AGBL1: variants seen among roughly 807,000 people sequenced by gnomAD.
The protein encoded by AGBL1 is cytosolic carboxypeptidase 4.
AGBL1 carries 130 observed loss-of-function variants against 118.9 expected under a neutral mutation model. The observed-to-expected ratio is 1.09, with a 90% CI of 0.95 to 1.26. The LOEUF (loss-of-function observed/expected upper bound fraction) is 1.26, where lower values mean the gene tolerates loss of function less well. Among genes scored for constraint, AGBL1 ranks in the 50% most tolerant of loss-of-function variants. The probability of loss-of-function intolerance (pLI) is 0.00; values close to 1 mark genes in which losing one functional copy is unlikely to be tolerated. For missense variants in AGBL1, 1,584 were observed against 1,298.1 expected (o/e 1.22, Z -3.38); for synonymous variants, 555 against 478.9 (o/e 1.16, Z -2.08).
chr15:86,697,958 A>G (rs1255102033), intron 22 of AGBL1, among the ~76,000 whole-genome samples: 4 of 151,920 alleles, frequency 2.6e-5, no homozygotes, highest in East Asian at 3.9e-4. Flanking sequence ...TGCAACAACA[A>G]TCCACTTCCT....
At chr15:86,596,868 G>A (rs2142363169) in intron 21 of AGBL1, among the ~76,000 whole-genome samples, 1 of 151,700 alleles carries the variant, frequency 6.6e-6, no homozygotes, top group East Asian at 1.9e-4. Context: ...TAAAATTTAT[G>A]TACTATATTT....
intron 22 of AGBL1, among the ~76,000 whole-genome samples, chr15:86,791,728 T>TTTTATA (rs1555450536): frequency 9.8e-5 from 14 of 142,898 alleles, no homozygotes; most frequent in African/African-American, 2.3e-4. Context: ...TCCTTGTTTT[T>TTTTATA]TATATATATA....
At chr15:86,614,006 A>G (rs2084690541) in intron 21 of AGBL1, among the ~76,000 whole-genome samples, 1 of 152,190 alleles carries the variant, frequency 6.6e-6, no homozygotes, top group Non-Finnish European at 1.5e-5. Context: ...TAAGGGAAGA[A>G]ACTTATCCCG....
At chr15:86,923,229 A>T (rs1391224395) in intron 23 of AGBL1, among the ~76,000 whole-genome samples, 1 of 152,226 alleles carries the variant, frequency 6.6e-6, no homozygotes, top group East Asian at 1.9e-4. Context: ...ATGTGGGCTT[A>T]GGGCAGATTA....
chr15:86,994,341 T>C (rs1394721632), intron 24 of AGBL1, among the ~76,000 whole-genome samples: 3 of 152,126 alleles, frequency 2.0e-5, no homozygotes, highest in Non-Finnish European at 4.4e-5. Flanking sequence ...CTGTGATCTC[T>C]CTACGTCCCA....
chr15:86,158,462 T>G (rs2077222559), intron 4 of AGBL1, among the ~76,000 whole-genome samples: 1 of 152,192 alleles, frequency 6.6e-6, no homozygotes, highest in African/African-American at 2.4e-5. Context: ...TGGACTCCTC[T>G]TATTTTCTGA....
At chr15:86,548,659 GCACGCA>G (rs1175288178) in intron 20 of AGBL1, among the ~76,000 whole-genome samples, 9 of 101,040 alleles carry the variant, frequency 8.9e-5, no homozygotes, top group Admixed American at 4.6e-4. Context: ...ACACACACAT[GCACGCA>G]CACACACACA....
chr15:86,672,016 G>A (rs1030986477), intron 21 of AGBL1, among the ~76,000 whole-genome samples: 1 of 152,156 alleles, frequency 6.6e-6, no homozygotes, highest in African/African-American at 2.4e-5. Flanking sequence ...AGGCTGCAGT[G>A]GGCTGTGATA....
chr15:86,934,384 T>C (rs2080641496), intron 23 of AGBL1, among the ~76,000 whole-genome samples: 1 of 152,174 alleles, frequency 6.6e-6, no homozygotes, highest in Non-Finnish European at 1.5e-5. Context: ...GGATCATCCA[T>C]TTAGAACAAT....
At chr15:86,714,665 A>C (rs1045978683) in intron 22 of AGBL1, among the ~76,000 whole-genome samples, 18 of 152,184 alleles carry the variant, frequency 1.2e-4, no homozygotes, top group African/African-American at 4.1e-4. Flanking sequence ...AAAGTCCTCT[A>C]CTGTGGAGTA....
At chr15:86,199,562 C>T (rs1597536836) in intron 5 of AGBL1, among the ~76,000 whole-genome samples, 2 of 152,204 alleles carry the variant, frequency 1.3e-5, no homozygotes, top group East Asian at 1.9e-4. Flanking sequence ...GCTAACTTCC[C>T]ATTCTTTAGG....
At chr15:86,150,976 A>G (rs1469997623) in intron 3 of AGBL1, among the ~76,000 whole-genome samples, 1 of 152,200 alleles carries the variant, frequency 6.6e-6, no homozygotes, top group Non-Finnish European at 1.5e-5. Flanking sequence ...ATGCAGCCAT[A>G]AAAATGATGA....
intron 24 of AGBL1, among the ~76,000 whole-genome samples, chr15:87,017,325 G>T (rs890293562): frequency 6.6e-6 from 1 of 152,086 alleles, no homozygotes; most frequent in Non-Finnish European, 1.5e-5. Flanking sequence ...CATTCTTCCA[G>T]ATTGGATGAG....
chr15:86,998,870 T>TA (rs1438145018), intron 24 of AGBL1, among the ~76,000 whole-genome samples: 4 of 151,200 alleles, frequency 2.6e-5, no homozygotes, highest in Admixed American at 6.6e-5. Flanking sequence ...TATATATATA[T>TA]TTTTTATTAT....
At chr15:86,682,056 T>C (rs911340198) in intron 22 of AGBL1, among the ~76,000 whole-genome samples, 1 of 152,210 alleles carries the variant, frequency 6.6e-6, no homozygotes, top group African/African-American at 2.4e-5. Flanking sequence ...ATAGCTCTCT[T>C]TAATTATCTG....
intron 22 of AGBL1, among the ~76,000 whole-genome samples, chr15:86,717,801 C>T (rs933803586): frequency 3.3e-5 from 5 of 152,126 alleles, no homozygotes; most frequent in Admixed American, 6.6e-5. Context: ...CAATTCAGGC[C>T]GGGCATGGTG....
At chr15:86,741,531 A>T (rs776160687) in intron 22 of AGBL1, among the ~76,000 whole-genome samples, 28 of 151,152 alleles carry the variant, frequency 1.9e-4, no homozygotes, top group Non-Finnish European at 3.8e-4. Context: ...TTTGACCATT[A>T]TGGTGGGGAC....
intron 1 of AGBL1, among the ~76,000 whole-genome samples, chr15:86,125,769 T>C (rs1207271161): frequency 6.6e-6 from 1 of 152,240 alleles, no homozygotes; most frequent in Non-Finnish European, 1.5e-5. Context: ...AAACAACTTC[T>C]ATCATCATGA....
chr15:86,412,937 T>C (rs2081642536), intron 18 of AGBL1, among the ~76,000 whole-genome samples: 3 of 152,152 alleles, frequency 2.0e-5, no homozygotes, highest in African/African-American at 7.2e-5. Context: ...TATCTTGACT[T>C]TACTAATGAA....
Sources: allele counts gnomAD v4.1 joint callset (sites outside exome capture counted in the v4.1 genomes callset), GRCh38; gene constraint gnomAD v4.1.1; transcripts MANE v1.5; gene names NCBI Gene and HGNC (gene_info 2026-07-23, HGNC 2026-07-21).